Variants in OSBPL9 observed in about 807,000 individuals in gnomAD.
OSBPL9 encodes oxysterol binding protein like 9.
In OSBPL9, 40 loss-of-function variants were observed where a neutral mutation model predicts 106.6. The ratio of observed to expected loss-of-function variants is 0.38; its 90% confidence interval spans 0.29 to 0.49. OSBPL9 has a LOEUF of 0.49. Ranked by LOEUF, OSBPL9 falls within the 20% of genes least tolerant of loss-of-function variation. The pLI is 0.97. For missense variants in OSBPL9, 609 were observed against 887.2 expected, an observed-to-expected ratio of 0.69 and a Z score of 3.98; for synonymous variants, 269 against 295.4, an observed-to-expected ratio of 0.91 and a Z score of 0.92.
At chr1:51,735,777 A>T (rs760781250) in intron 4 of OSBPL9, among the ~76,000 whole-genome samples, 1 of 152,212 alleles carries the variant, frequency 6.6e-6, no homozygotes, top group Non-Finnish European at 1.5e-5. Flanking sequence ...GATAAGATTT[A>T]GTGTGAGATA....
At chr1:51,679,531 C>T (rs1652044682) in intron 3 of OSBPL9, among the ~76,000 whole-genome samples, 1 of 152,196 alleles carries the variant, frequency 6.6e-6, no homozygotes, top group Non-Finnish European at 1.5e-5. Context: ...TGAGGTTTCA[C>T]TTTACACAGT....
chr1:51,531,689 C>T, the OSBPL9 span, among the ~76,000 whole-genome samples: 95 of 152,060 alleles, frequency 6.2e-4, no homozygotes, highest in African/African-American at 2.2e-3. Flanking sequence ...GTCAAGGATG[C>T]GGTTGGAATA....
chr1:51,568,530 G>A, the OSBPL9 span, among the ~76,000 whole-genome samples: 1 of 152,158 alleles, frequency 6.6e-6, no homozygotes, highest in Non-Finnish European at 1.5e-5. Context: ...GTTGGGAATA[G>A]ATTTAACATA....
chr1:51,535,805 C>G, the OSBPL9 span, among the ~76,000 whole-genome samples: 1 of 152,094 alleles, frequency 6.6e-6, no homozygotes, highest in Non-Finnish European at 1.5e-5. Flanking sequence ...GTTAACCCCC[C>G]ACCCCGCCGC....
In OSBPL9 at chr1:51,789,143, A is replaced by C. The variant is rs567653084; in HGVS notation, c.*1354A>C. ...GATGCCAGTGCAAAACTTCAATGGA[A>C]GCCCTAAGGCAGTAGTATAACTAAC... On this transcript the variant is annotated 3_prime_UTR_variant, in exon 24 of 24. Transcript: ENST00000428468. 1.6e-5 allele frequency: 19 copies of C among 1,182,104 alleles called. No individual in the cohort carries two copies. Among genetic ancestry groups the C allele is most frequent in the Non-Finnish European group, 2.4e-5 (19 of 798,222 alleles). The allele number at this position is 1,182,104 out of a possible 1,614,324, so 73.2% of individuals were successfully genotyped here.
At chr1:51,674,115 G>A (rs1021850605) in intron 3 of OSBPL9, among the ~76,000 whole-genome samples, 6 of 146,916 alleles carry the variant, frequency 4.1e-5, no homozygotes, top group African/African-American at 1.3e-4. Flanking sequence ...CTGGAGTGTA[G>A]TGGCATGATC....
the OSBPL9 span, among the ~76,000 whole-genome samples, chr1:51,525,666 C>T: frequency 6.6e-6 from 1 of 152,236 alleles, no homozygotes; most frequent in African/African-American, 2.4e-5. Flanking sequence ...ACCACCTCCA[C>T]TACCATGGCC....
intron 4 of OSBPL9, among the ~76,000 whole-genome samples, chr1:51,722,332 AC>A (rs1218508583): frequency 1.3e-5 from 2 of 152,212 alleles, no homozygotes; most frequent in African/African-American, 4.8e-5. Flanking sequence ...AAAGTGACCA[AC>A]ACAGAATGTT....
At chr1:51,547,170 T>G in the OSBPL9 span, among the ~76,000 whole-genome samples, 12 of 152,360 alleles carry the variant, frequency 7.9e-5, no homozygotes, top group South Asian at 2.5e-3. Flanking sequence ...GAAATTCTTA[T>G]GCAGGCACAT....
chr1:51,718,196 C>T lies in OSBPL9; in HGVS notation c.318+4117C>T, dbSNP rs147758963. Among the ~76,000 whole-genome samples, 52 of 152,100 alleles carry T rather than the reference C, an allele frequency of 3.4e-4. No homozygotes were observed. The East Asian group carries it at 7.9e-3, about 23-fold the overall frequency. The stretch of plus-strand genomic sequence containing the variant: ...AGCTAGAGAATAGAATTATGGTTAC[C>T]AGAGGCTGGAAGGGTGGTTGGGCGT... On this transcript the variant is annotated intron_variant, in intron 4 of 23. Transcript: ENST00000428468.
intron 3 of OSBPL9, among the ~76,000 whole-genome samples, chr1:51,681,453 C>T (rs1034413900): frequency 6.6e-6 from 1 of 151,790 alleles, no homozygotes; most frequent in Non-Finnish European, 1.5e-5. Flanking sequence ...TATGGATTGT[C>T]CCATTGATAA....
At chr1:51,785,313 G>A (rs1307154825) in intron 20 of OSBPL9, 1 of 156,076 alleles carries the variant, frequency 6.4e-6, no homozygotes, top group Non-Finnish European at 1.4e-5. Context: ...TCCAAGTAGA[G>A]GTCTGTTACG....
the OSBPL9 span, among the ~76,000 whole-genome samples, chr1:51,534,222 C>A: frequency 6.6e-6 from 1 of 151,682 alleles, no homozygotes; most frequent in Non-Finnish European, 1.5e-5. Flanking sequence ...AAAAATGCTC[C>A]CAGCTGTTTA....
intron 1 of OSBPL9, among the ~76,000 whole-genome samples, chr1:51,633,897 T>C (rs1011365475): frequency 1.3e-5 from 2 of 152,214 alleles, no homozygotes; most frequent in Non-Finnish European, 2.9e-5. Flanking sequence ...AGTGCTGGGA[T>C]TACAGGTGTA....
chr1:51,682,328 A>G (rs920272245), intron 3 of OSBPL9, among the ~76,000 whole-genome samples: 1 of 152,242 alleles, frequency 6.6e-6, no homozygotes, highest in Admixed American at 6.5e-5. Flanking sequence ...GAGGGCCAAC[A>G]TACATCCAAA....
At chr1:51,746,194 G>A (rs1225982629) in intron 5 of OSBPL9, among the ~76,000 whole-genome samples, 6 of 152,070 alleles carry the variant, frequency 3.9e-5, no homozygotes, top group South Asian at 2.1e-4. Flanking sequence ...CGCCTGCCTC[G>A]GCCTCCCAAA....
At chr1:51,731,580 C>A (rs1015525618) in intron 4 of OSBPL9, among the ~76,000 whole-genome samples, 3 of 152,100 alleles carry the variant, frequency 2.0e-5, no homozygotes, top group African/African-American at 7.2e-5. Context: ...GGTTCGAGAC[C>A]AGACTGGCCA....
intron 11 of OSBPL9, among the ~76,000 whole-genome samples, chr1:51,764,853 G>A (rs1672248672): frequency 6.6e-6 from 1 of 152,136 alleles, no homozygotes; most frequent in Admixed American, 6.6e-5. Context: ...CCAAAGTGCT[G>A]GAATTACAGG....
chr1:51,541,498 AT>A, the OSBPL9 span, among the ~76,000 whole-genome samples: 1 of 152,196 alleles, frequency 6.6e-6, no homozygotes, highest in African/African-American at 2.4e-5. Flanking sequence ...CCTGATTCAA[AT>A]TCCTGACAGA....
Sources: gnomAD v4.1 joint callset for allele counts (sites outside exome capture counted in the v4.1 genomes callset) on GRCh38, gnomAD v4.1.1 for gene constraint, MANE v1.5 for transcripts, NCBI Gene and HGNC (gene_info 2026-07-23, HGNC 2026-07-21) for gene names.